CLECL1: variants seen among roughly 807,000 people sequenced by gnomAD.
CLECL1 encodes the protein C-type lectin like 1.
the CLECL1 span, among the ~76,000 whole-genome samples, chr12:9,710,277 A>C: frequency 6.6e-6 from 1 of 152,152 alleles, no homozygotes; most frequent in Admixed American, 6.6e-5. Flanking sequence ...AGGCAACCAG[A>C]GCCTCAGATG....
chr12:9,725,287 C>T (rs1591718291), intron 3 of CLECL1, among the ~76,000 whole-genome samples: 1 of 152,084 alleles, frequency 6.6e-6, no homozygotes, highest in Non-Finnish European at 1.5e-5. Context: ...ATCAACATAT[C>T]TTCAAAAAAC....
downstream of CLECL1, among the ~76,000 whole-genome samples, chr12:9,713,332 G>A (rs957205745): frequency 2.6e-5 from 4 of 152,184 alleles, no homozygotes; most frequent in Non-Finnish European, 4.4e-5. Context: ...ACTATATGAT[G>A]AGGCTCCCAT....
intron 2 of CLECL1, among the ~76,000 whole-genome samples, chr12:9,717,190 C>T (rs1866248151): frequency 6.6e-6 from 1 of 152,180 alleles, no homozygotes; most frequent in Admixed American, 6.5e-5. Flanking sequence ...GCGGGCAGAT[C>T]ACGAGGTCGG....
the CLECL1 span, among the ~76,000 whole-genome samples, chr12:9,702,789 C>T: frequency 6.6e-6 from 1 of 152,224 alleles, no homozygotes; most frequent in Non-Finnish European, 1.5e-5. Context: ...AATCTGTAGA[C>T]ATCTCTACTC....
At chr12:9,708,599 G>A in the CLECL1 span, among the ~76,000 whole-genome samples, 6 of 152,136 alleles carry the variant, frequency 3.9e-5, no homozygotes, top group Non-Finnish European at 5.9e-5. Context: ...GCCTTGCTTC[G>A]TGACATAAAC....
intron 1 of CLECL1, among the ~76,000 whole-genome samples, chr12:9,732,009 C>T (rs1866453550): frequency 1.3e-5 from 2 of 151,974 alleles, no homozygotes; most frequent in Non-Finnish European, 2.9e-5. Context: ...AGTGCCTAAG[C>T]TGGAAGAAAA....
chr12:9,711,828 C>T (rs1377037571), downstream of CLECL1, among the ~76,000 whole-genome samples: 1 of 152,182 alleles, frequency 6.6e-6, no homozygotes, highest in Non-Finnish European at 1.5e-5. Context: ...GACCTAGCCT[C>T]TCCCCTGACT....
chr12:9,729,813 T>TC (rs1215792758), intron 1 of CLECL1, among the ~76,000 whole-genome samples: 1 of 151,958 alleles, frequency 6.6e-6, no homozygotes, highest in African/African-American at 2.4e-5. Context: ...AGACCCAGCT[T>TC]CTTTTTTTTT....
chr12:9,721,740 A>G (rs972518410), downstream of CLECL1, among the ~76,000 whole-genome samples: 1 of 152,166 alleles, frequency 6.6e-6, no homozygotes, highest in South Asian at 2.1e-4. Context: ...TTTCTTGTTC[A>G]TTAAAATTTG....
the CLECL1 span, chr12:9,704,002 G>GT: frequency 4.4e-4 from 67 of 152,138 alleles, no homozygotes; most frequent in African/African-American, 1.5e-3. Flanking sequence ...ACATTTATAA[G>GT]TTACATTAAA....
At chr12:9,711,870 C>G (rs952474899), downstream of CLECL1, among the ~76,000 whole-genome samples, 1 of 152,196 alleles carries the variant, frequency 6.6e-6, no homozygotes, top group African/African-American at 2.4e-5. Context: ...GGATTCCTGA[C>G]ATTCCTACAA....
At chr12:9,725,540 A>G (rs1866369787) in intron 3 of CLECL1, among the ~76,000 whole-genome samples, 1 of 104,072 alleles carries the variant, frequency 9.6e-6, no homozygotes, top group Non-Finnish European at 2.0e-5. Flanking sequence ...TTTTGATATC[A>G]TAGAATATAA....
the CLECL1 span, among the ~76,000 whole-genome samples, chr12:9,709,967 C>A: frequency 2.0e-4 from 31 of 152,286 alleles, no homozygotes; most frequent in African/African-American, 7.5e-4. Context: ...CTTTAATGGC[C>A]ACCATGCAAC....
At chr12:9,705,861 A>G in the CLECL1 span, among the ~76,000 whole-genome samples, 1 of 152,108 alleles carries the variant, frequency 6.6e-6, no homozygotes, top group Non-Finnish European at 1.5e-5. Context: ...TTTTTGCTTA[A>G]TATTATTCAG....
At chr12:9,725,934 G>A (rs79251813) in intron 3 of CLECL1, among the ~76,000 whole-genome samples, 2,949 of 152,084 alleles carry the variant, frequency 0.019, 96 homozygotes, top group African/African-American at 0.063. Flanking sequence ...TTTACTGAAA[G>A]GTGATGGGAT....
chr12:9,733,159 T>G (rs1260145501), upstream of CLECL1: 7 of 1,614,068 alleles, frequency 4.3e-6, 1 homozygote, highest in South Asian at 7.7e-5. Flanking sequence ...AAGTGGGTGG[T>G]GGACTTCCTC....
downstream of CLECL1, chr12:9,722,608 TG>T (rs141704149): frequency 1.1e-5 from 18 of 1,571,088 alleles, no homozygotes; most frequent in Non-Finnish European, 1.6e-5. Flanking sequence ...ACTGCCAGTG[TG>T]GGGGATGCTG....
At chr12:9,705,255 G>T in the CLECL1 span, among the ~76,000 whole-genome samples, 1 of 151,068 alleles carries the variant, frequency 6.6e-6, no homozygotes, top group Non-Finnish European at 1.5e-5. Context: ...TTTTAATGAG[G>T]TCTTTTTTTT....
At chr12:9,710,038 G>A in the CLECL1 span, among the ~76,000 whole-genome samples, 1 of 152,154 alleles carries the variant, frequency 6.6e-6, no homozygotes, top group African/African-American at 2.4e-5. Context: ...TTCAAGAACA[G>A]TTATCTCTCT....
Sources: gnomAD v4.1 joint callset for allele counts (sites outside exome capture counted in the v4.1 genomes callset) on GRCh38, gnomAD v4.1.1 for gene constraint, MANE v1.5 for transcripts, NCBI Gene and HGNC (gene_info 2026-07-23, HGNC 2026-07-21) for gene names.